Variants in IL1RAP observed in about 807,000 individuals in gnomAD.
The protein encoded by IL1RAP is interleukin-1 receptor accessory protein.
A neutral mutation model predicts 60.7 loss-of-function variants in IL1RAP; 35 were observed. The ratio of observed to expected loss-of-function variants is 0.58; its 90% CI spans 0.44 to 0.76. The LOEUF is 0.76. IL1RAP is among the 30% of genes least tolerant of loss of function. IL1RAP has a pLI of 0.00. For missense variants in IL1RAP, 572 were observed against 693.9 expected, an observed-to-expected ratio of 0.82 and a Z score of 1.97; for synonymous variants, 268 against 250.9, an observed-to-expected ratio of 1.07 and a Z score of -0.64.
intron 1 of IL1RAP, among the ~76,000 whole-genome samples, chr3:190,555,296 T>G (rs547497956): frequency 8.4e-6 from 1 of 118,944 alleles, no homozygotes; most frequent in East Asian, 2.5e-4. Context: ...TGCTCCTTCC[T>G]CCCTCCTCTC....
chr3:190,556,777 G>A (rs1725466756), intron 2 of IL1RAP, among the ~76,000 whole-genome samples: 1 of 152,114 alleles, frequency 6.6e-6, no homozygotes, highest in Non-Finnish European at 1.5e-5. Context: ...TAATATTAGT[G>A]GTAGCTCACA....
chr3:190,566,595 C>T (rs1726421850), intron 3 of IL1RAP, among the ~76,000 whole-genome samples: 1 of 152,188 alleles, frequency 6.6e-6, no homozygotes. Context: ...GATAAGTTCT[C>T]ATACCAGCCA....
chr3:190,606,606 G>A (rs1730349367), intron 4 of IL1RAP, among the ~76,000 whole-genome samples: 2 of 152,124 alleles, frequency 1.3e-5, no homozygotes, highest in African/African-American at 4.8e-5. Flanking sequence ...TTACATTATA[G>A]GAGTAGAGCT....
intron 4 of IL1RAP, among the ~76,000 whole-genome samples, chr3:190,604,904 T>A (rs965383896): frequency 6.6e-6 from 1 of 152,184 alleles, no homozygotes; most frequent in Non-Finnish European, 1.5e-5. Flanking sequence ...ACTTTTTGAG[T>A]GTGGCAACTG....
At chr3:190,644,736 A>G (rs992279754) in intron 10 of IL1RAP, among the ~76,000 whole-genome samples, 5 of 152,188 alleles carry the variant, frequency 3.3e-5, no homozygotes, top group African/African-American at 7.2e-5. Flanking sequence ...TTATAATACT[A>G]TTTTTTAGCA....
intron 9 of IL1RAP, among the ~76,000 whole-genome samples, chr3:190,639,787 A>G (rs965563759): frequency 6.6e-6 from 1 of 152,236 alleles, no homozygotes; most frequent in African/African-American, 2.4e-5. Flanking sequence ...TTAAAAAAGC[A>G]TCTTATCTTT....
rs758704518 is a variant in IL1RAP, at chr3:190,648,532, C to T, written c.1540C>T (p.Leu514=). The T allele has an allele frequency of 3.1e-6, 5 of 1,614,034 alleles. No individual in the cohort carries two copies. Among genetic ancestry groups the T allele is most frequent in the Non-Finnish European group, 4.2e-6 (5 of 1,180,000 alleles). Residue 514 remains leucine, a synonymous_variant, in exon 12 of 12, where the codon CTG becomes TTG. Coordinates refer to ENST00000447382, the MANE Select transcript of IL1RAP (RefSeq NM_002182.4). ...TGTGAAGGAAACGAAGGTGAAAGAG[C>T]TGAAGAGGGCTAAGACGGTGCTCAC... The part of the protein sequence containing the change: ...KAVKETKVKE[L]KRAKTVLTVI...
chr3:190,609,797 T>A (rs896187310), intron 5 of IL1RAP, among the ~76,000 whole-genome samples: 2 of 152,122 alleles, frequency 1.3e-5, no homozygotes, highest in African/African-American at 4.8e-5. Flanking sequence ...CCACCTTTGA[T>A]AAAGTTAACT....
intron 3 of IL1RAP, among the ~76,000 whole-genome samples, chr3:190,576,361 G>A (rs10804926): frequency 0.71 from 108,126 of 152,028 alleles, 39,469 homozygotes; most frequent in East Asian, 1. Context: ...TCATCAGAAT[G>A]CAAGGAGCTA....
chr3:190,579,348 A>G (rs1403809771), intron 3 of IL1RAP, among the ~76,000 whole-genome samples: 6 of 152,226 alleles, frequency 3.9e-5, no homozygotes, highest in Admixed American at 3.9e-4. Flanking sequence ...ATGATATCAT[A>G]CAGTATTTAC....
Position 190,648,707 on chromosome 3 carries a change from A to G in IL1RAP, c.*2A>G. On this transcript the variant is annotated 3_prime_UTR_variant, in exon 12 of 12. Coordinates refer to ENST00000447382, the MANE Select transcript of IL1RAP (RefSeq NM_002182.4). ...TATTCATCTTTGAAAAATGTATGAA[A>G]GGAATAATGAAAAGGGTAAAAAGAA... is the stretch of plus-strand genomic sequence containing the variant. 1.9e-6 allele frequency: 3 copies of G among 1,603,920 alleles called. No individual in the cohort carries two copies.
intron 5 of IL1RAP, chr3:190,615,324 A>G: frequency 1.6e-6 from 2 of 1,279,500 alleles, no homozygotes; most frequent in Non-Finnish European, 2.0e-6. Context: ...TTCACATAGG[A>G]ACCTCCAAAC....
At chr3:190,534,291 A>C (rs531330521) in intron 1 of IL1RAP, among the ~76,000 whole-genome samples, 1 of 151,204 alleles carries the variant, frequency 6.6e-6, no homozygotes, top group African/African-American at 2.4e-5. Context: ...TTTTTAATGT[A>C]ATGTTACAGC....
chr3:190,610,008 G>A (rs1730684246), intron 5 of IL1RAP, among the ~76,000 whole-genome samples: 1 of 152,200 alleles, frequency 6.6e-6, no homozygotes, highest in African/African-American at 2.4e-5. Context: ...ATAAGGGGTA[G>A]TGCAAGAGAC....
intron 5 of IL1RAP, among the ~76,000 whole-genome samples, chr3:190,613,186 A>G (rs1478835500): frequency 1.3e-5 from 1 of 79,942 alleles, no homozygotes. Flanking sequence ...AAGCTATGTA[A>G]TGTCTTACTC....
At chr3:190,535,550 A>G (rs954030845) in intron 1 of IL1RAP, among the ~76,000 whole-genome samples, 1 of 152,190 alleles carries the variant, frequency 6.6e-6, no homozygotes, top group Non-Finnish European at 1.5e-5. Flanking sequence ...ACTACGACTT[A>G]TAACTCACTC....
intron 11 of IL1RAP, among the ~76,000 whole-genome samples, chr3:190,648,077 ATAC>A (rs1233488897): frequency 1.3e-5 from 2 of 152,296 alleles, no homozygotes; most frequent in Middle Eastern, 3.4e-3. Context: ...TCACAACACT[ATAC>A]TACCTTTTGG....
intron 3 of IL1RAP, among the ~76,000 whole-genome samples, chr3:190,589,355 T>C (rs1728745117): frequency 6.6e-6 from 1 of 152,140 alleles, no homozygotes; most frequent in African/African-American, 2.4e-5. Context: ...TTTCTCATGC[T>C]CTCAGCTTTT....
In IL1RAP at chr3:190,649,832, A is replaced by G. The variant is rs1381239156; in HGVS notation, c.*1127A>G. The G allele has an allele frequency of 3.5e-5, 34 of 985,176 alleles. No individual in the cohort carries two copies. Among genetic ancestry groups the G allele is most frequent in the Non-Finnish European group, 4.1e-5 (34 of 829,870 alleles). The allele number at this position is 985,176 out of a possible 1,614,324, so 61.0% of individuals were successfully genotyped here. On this transcript the variant is annotated 3_prime_UTR_variant, in exon 12 of 12. Transcript: ENST00000447382. ...CAGTATGAGAAGTCACTGTCAATGAAAGTTGTTTTGTTTGTTTTCAGTAAT... is the reference window on the plus strand; with the variant it reads ...CAGTATGAGAAGTCACTGTCAATGAGAGTTGTTTTGTTTGTTTTCAGTAAT...
Sources: allele counts gnomAD v4.1 joint callset (sites outside exome capture counted in the v4.1 genomes callset), GRCh38; gene constraint gnomAD v4.1.1; transcripts MANE v1.5; gene names NCBI Gene and HGNC (gene_info 2026-07-23, HGNC 2026-07-21).